The following PARD3 variants were observed in gnomAD, a reference collection of about 807,000 sequenced individuals.
PARD3 encodes the protein partitioning defective 3 homolog.
PARD3 carries 75 observed loss-of-function variants against 155.4 expected under a neutral mutation model. The ratio of observed to expected loss-of-function variants is 0.48; its 90% CI spans 0.40 to 0.58. PARD3 has a LOEUF of 0.58. Among genes scored for constraint, PARD3 ranks in the 20% least tolerant of loss-of-function variants. PARD3 has a pLI of 0.00. For missense variants in PARD3, 1,642 were observed against 1,721.7 expected (o/e 0.95, Z 0.82); for synonymous variants, 576 against 610.5 (o/e 0.94, Z 0.83).
chr10:34,777,310 G>T (rs768096323), intron 1 of PARD3, among the ~76,000 whole-genome samples: 2 of 152,156 alleles, frequency 1.3e-5, no homozygotes, highest in Non-Finnish European at 2.9e-5. Flanking sequence ...GACTCAGCCA[G>T]ATCTGCCTCA....
chr10:34,156,593 A>G (rs565095860), intron 22 of PARD3, among the ~76,000 whole-genome samples: 1 of 152,316 alleles, frequency 6.6e-6, no homozygotes, highest in African/African-American at 2.4e-5. Context: ...AAGTGCTCCC[A>G]CAAGAAAACT....
intron 1 of PARD3, among the ~76,000 whole-genome samples, chr10:34,764,508 AGGTACT>A (rs2134041318): frequency 6.6e-6 from 1 of 152,330 alleles, no homozygotes; most frequent in South Asian, 2.1e-4. Context: ...CTAATCCAGC[AGGTACT>A]GGAGGAAGTG....
rs1358640964 is a variant in PARD3, at chr10:34,666,796, A to AAAAAAATAT, written c.222+29521_222+29522insATATTTTTT. Among the ~76,000 whole-genome samples, 242 of 66,784 alleles carry AAAAAAATAT rather than the reference A, an allele frequency of 3.6e-3. 6 individuals are homozygous for AAAAAAATAT. The highest frequency in any genetic ancestry group is 5.7e-3 in the Non-Finnish European group (200 of 35,006). The allele number at this position is 66,784 out of a possible 152,430, so 43.8% of individuals were successfully genotyped here. ...TCCCCCTAAAAAAAAAAAAAAAAAA[A>AAAAAAATAT]ATATATATATATATATATATACACA... On this transcript the variant is annotated intron_variant, in intron 2 of 24. Coordinates refer to ENST00000374788, the MANE Select transcript of PARD3 (RefSeq NM_001184785.2).
chr10:34,517,093 C>T lies in PARD3; in HGVS notation c.289G>A (p.Gly97Ser), dbSNP rs2081822915. 6.2e-7 allele frequency: 1 copy of T among 1,614,160 alleles called. No homozygotes were observed. Residue 97 changes from glycine to serine, a missense_variant, in exon 3 of 25, where the codon GGT becomes AGT. Gly to Ser is a moderately conservative substitution (Grantham distance 56). Coordinates refer to ENST00000374788, the MANE Select transcript of PARD3 (RefSeq NM_001184785.2). ...CCAAATATCTCTGGGCTCTGGGTAC[C>T]CGTGGAACTGGCACTGGTGCCATCA... ...GGDGTSASST[G>S]TQSPEIFGSE...
intron 2 of PARD3, among the ~76,000 whole-genome samples, chr10:34,595,404 T>A (rs757497036): frequency 2.6e-5 from 4 of 152,162 alleles, no homozygotes; most frequent in South Asian, 2.1e-4. Context: ...ATAAAAAAAA[T>A]TTACTTAAAA....
chr10:34,223,112 G>GA (rs1952398514), intron 22 of PARD3, among the ~76,000 whole-genome samples: 1 of 152,110 alleles, frequency 6.6e-6, no homozygotes, highest in African/African-American at 2.4e-5. Flanking sequence ...GTGTGGGGTC[G>GA]GAGAGCAGAG....
At chr10:34,772,857 C>CAAGAAAGCCTGT (rs2134106948) in intron 1 of PARD3, among the ~76,000 whole-genome samples, 1 of 149,404 alleles carries the variant, frequency 6.7e-6, no homozygotes, top group South Asian at 2.1e-4. Context: ...CTCAACGGAG[C>CAAGAAAGCCTGT]AAGAAAGCCT....
At chr10:34,720,729 G>A (rs572051157) in intron 1 of PARD3, among the ~76,000 whole-genome samples, 71 of 151,700 alleles carry the variant, frequency 4.7e-4, no homozygotes, top group African/African-American at 1.5e-3. Flanking sequence ...CTAGGGAGGC[G>A]GAGGTTGCAG....
intron 22 of PARD3, among the ~76,000 whole-genome samples, chr10:34,134,280 C>T (rs1227916686): frequency 1.3e-5 from 2 of 152,218 alleles, no homozygotes; most frequent in Non-Finnish European, 2.9e-5. Context: ...ATTTTTCCAC[C>T]TGTGCTTTTT....
Position 34,538,813 on chromosome 10 carries a change from G to T in PARD3, c.223-21654C>A, listed in dbSNP as rs189329208. ...CAGGGCACCAATGATCCAAGTAGGA[G>T]ATCATGCTGAGTTTCTTCTCCTTCT... On this transcript the variant is annotated intron_variant, in intron 2 of 24. Coordinates refer to ENST00000374788, the MANE Select transcript of PARD3 (RefSeq NM_001184785.2). Among the ~76,000 whole-genome samples the T allele has an allele frequency of 2.4e-3, 363 of 152,354 alleles. 1 individual carries two copies. The highest frequency in any genetic ancestry group is 4.1e-3 in the Non-Finnish European group (278 of 68,034).
At chr10:34,250,159 A>C (rs112564361) in intron 22 of PARD3, among the ~76,000 whole-genome samples, 18,492 of 146,812 alleles carry the variant, frequency 0.13, 1,475 homozygotes, top group African/African-American at 0.21. Flanking sequence ...CCCCCTCCAC[A>C]CACACACAGC....
intron 1 of PARD3, among the ~76,000 whole-genome samples, chr10:34,767,798 AC>A (rs1436084131): frequency 6.6e-6 from 1 of 151,952 alleles, no homozygotes; most frequent in East Asian, 2.0e-4. Context: ...ACGGTAAAAT[AC>A]AAAAATATTG....
intron 2 of PARD3, among the ~76,000 whole-genome samples, chr10:34,654,619 C>A (rs562952645): frequency 1.3e-5 from 2 of 152,336 alleles, no homozygotes; most frequent in Admixed American, 6.5e-5. Context: ...AAACCAATCA[C>A]AATCTACTTC....
chr10:34,164,636 C>A (rs1379269179), intron 22 of PARD3, among the ~76,000 whole-genome samples: 1 of 152,176 alleles, frequency 6.6e-6, no homozygotes, highest in East Asian at 1.9e-4. Flanking sequence ...AACATTTAAG[C>A]AAATTCCAGT....
chr10:34,242,151 C>T (rs1450238171), intron 22 of PARD3, among the ~76,000 whole-genome samples: 1 of 152,164 alleles, frequency 6.6e-6, no homozygotes. Context: ...GGTCAGTATA[C>T]AGGGGTCATT....
intron 1 of PARD3, among the ~76,000 whole-genome samples, chr10:34,812,931 C>T (rs1466964868): frequency 6.6e-6 from 1 of 152,182 alleles, no homozygotes; most frequent in Non-Finnish European, 1.5e-5. Flanking sequence ...GACCAAGGCC[C>T]TGCACTCTAG....
intron 5 of PARD3, among the ~76,000 whole-genome samples, chr10:34,445,787 T>TA (rs74758211): frequency 0.017 from 2,513 of 144,474 alleles, 62 homozygotes; most frequent in African/African-American, 0.057. Context: ...TTGCAGTATT[T>TA]AAAAAAAAAA....
At chr10:34,200,628 T>A (rs1016645698) in intron 22 of PARD3, among the ~76,000 whole-genome samples, 1 of 152,160 alleles carries the variant, frequency 6.6e-6, no homozygotes, top group Non-Finnish European at 1.5e-5. Context: ...CAACAGCACA[T>A]CAGTGATGGT....
chr10:34,409,038 C>T (rs912767747), intron 5 of PARD3, among the ~76,000 whole-genome samples: 4 of 152,096 alleles, frequency 2.6e-5, no homozygotes, highest in Non-Finnish European at 5.9e-5. Flanking sequence ...GATGTAATCA[C>T]TGTATATAAG....
Sources: allele counts gnomAD v4.1 joint callset (sites outside exome capture counted in the v4.1 genomes callset), GRCh38; gene constraint gnomAD v4.1.1; transcripts MANE v1.5; gene names NCBI Gene and HGNC (gene_info 2026-07-23, HGNC 2026-07-21).